PTBP2: variants seen among roughly 807,000 people sequenced by gnomAD.
The protein encoded by PTBP2 is polypyrimidine tract binding protein 2.
Under a neutral mutation model 61.4 loss-of-function variants are expected in PTBP2, and 13 were observed. The observed-to-expected ratio is 0.21, with a 90% confidence interval of 0.14 to 0.34. The LOEUF (loss-of-function observed/expected upper bound fraction) is 0.34, where lower values mean the gene tolerates loss of function less well. Among genes scored for constraint, PTBP2 ranks in the 10% least tolerant of loss-of-function variants. PTBP2 has a pLI of 1.00. For synonymous variants in PTBP2, 215 were observed against 218.5 expected (o/e 0.98, Z 0.14); for missense variants, 405 against 642.6 (o/e 0.63, Z 4.00).
chr1:96,763,485 G>A (rs889644687), intron 3 of PTBP2, among the ~76,000 whole-genome samples: 22 of 151,690 alleles, frequency 1.5e-4, no homozygotes, highest in African/African-American at 5.3e-4. Context: ...GGCTGAGGCA[G>A]GAGAATCAGG....
intron 2 of PTBP2, among the ~76,000 whole-genome samples, chr1:96,737,629 GTAA>G (rs1275860925): frequency 6.6e-6 from 1 of 152,168 alleles, no homozygotes; most frequent in South Asian, 2.1e-4. Flanking sequence ...ACAAAAACAA[GTAA>G]TGATGAGGAA....
chr1:96,817,709 C>T (rs1024222300), downstream of PTBP2: 8 of 151,946 alleles, frequency 5.3e-5, no homozygotes, highest in Non-Finnish European at 1.0e-4. Context: ...GATCTTAGTT[C>T]AAACCTTATT....
chr1:96,822,492 GC>G (rs1662713191), exon 14 of PTBP2: 4 of 152,214 alleles, frequency 2.6e-5, no homozygotes, highest in Admixed American at 2.0e-4. Flanking sequence ...GTTTCTAAAT[GC>G]AGTTATTGGT....
chr1:96,808,810 A>AAC lies in PTBP2; in HGVS notation c.1171+1867_1171+1868dup, dbSNP rs71748547. ...ATTTCCTTTAAAACACACACACACA[A>AAC]ACACACACACACACACGCATACACT... On this transcript the variant is annotated intron_variant, in intron 11 of 13. Transcript: ENST00000674951. Among the ~76,000 whole-genome samples the AAC allele has an allele frequency of 6.1e-4, 92 of 150,338 alleles. No homozygotes were observed. In the Middle Eastern group the frequency reaches 0.01, roughly 17 times the overall value.
chr1:96,787,836 G>A (rs1475613144), intron 8 of PTBP2, among the ~76,000 whole-genome samples: 1 of 152,078 alleles, frequency 6.6e-6, no homozygotes, highest in African/African-American at 2.4e-5. Flanking sequence ...TTTGAAAGTG[G>A]ACATGTAGGC....
chr1:96,739,867 G>T (rs1652768869), intron 2 of PTBP2, among the ~76,000 whole-genome samples: 1 of 151,618 alleles, frequency 6.6e-6, no homozygotes, highest in Non-Finnish European at 1.5e-5. Flanking sequence ...CTCGTGATCC[G>T]CCTGCCTCGG....
intron 3 of PTBP2, among the ~76,000 whole-genome samples, chr1:96,762,712 GC>G (rs1380663462): frequency 6.6e-6 from 1 of 150,922 alleles, no homozygotes; most frequent in Non-Finnish European, 1.5e-5. Context: ...GGCTGGCCTG[GC>G]GGGGGCTGAC....
chr1:96,779,892 C>T (rs1444855849), intron 7 of PTBP2, among the ~76,000 whole-genome samples: 1 of 150,772 alleles, frequency 6.6e-6, no homozygotes, highest in Middle Eastern at 3.2e-3. Flanking sequence ...ACAATTGGTA[C>T]CAGTTTAAAT....
chr1:96,743,520 C>T (rs995628890), intron 2 of PTBP2, among the ~76,000 whole-genome samples: 1 of 152,110 alleles, frequency 6.6e-6, no homozygotes, highest in Non-Finnish European at 1.5e-5. Flanking sequence ...CTAATGATTG[C>T]ATACTTTTAT....
intron 7 of PTBP2, among the ~76,000 whole-genome samples, chr1:96,778,167 CTTTTT>C (rs371248551): frequency 8.0e-6 from 1 of 125,292 alleles, no homozygotes; most frequent in Admixed American, 8.0e-5. Context: ...TATTATTTTA[CTTTTT>C]TTTTTTTTTT....
chr1:96,760,190 C>G (rs1655642706), intron 3 of PTBP2, among the ~76,000 whole-genome samples: 1 of 151,784 alleles, frequency 6.6e-6, no homozygotes, highest in African/African-American at 2.4e-5. Flanking sequence ...AAAACTCCTC[C>G]AATCAATAAA....
chr1:96,749,479 TGA>T (rs1182030319), intron 2 of PTBP2: 2 of 314,786 alleles, frequency 6.4e-6, no homozygotes, highest in African/African-American at 4.3e-5. Context: ...TTTGTTCAGG[TGA>T]GTAAAACTTT....
intron 2 of PTBP2, among the ~76,000 whole-genome samples, chr1:96,748,634 T>A (rs573428477): frequency 1.3e-5 from 2 of 152,318 alleles, no homozygotes; most frequent in East Asian, 3.9e-4. Context: ...AATCTAAAAT[T>A]GATATCATTC....
At chr1:96,806,196 TTGTCTTCATTCCC>T (rs1243230338) in intron 9 of PTBP2, among the ~76,000 whole-genome samples, 1 of 152,152 alleles carries the variant, frequency 6.6e-6, no homozygotes, top group Non-Finnish European at 1.5e-5. Flanking sequence ...TTCCTTGTCC[TTGTCTTCATTCCC>T]TGTCTCCATT....
rs1194769788 is a variant in PTBP2 at position 96,721,875 on chromosome 1, A to G, written c.8+3A>G. On this transcript the variant is annotated splice_donor_region_variant and intron_variant, in intron 1 of 13. Coordinates refer to ENST00000674951, the MANE Select transcript of PTBP2 (RefSeq NM_021190.4). The stretch of plus-strand genomic sequence containing the variant: ...TTGTCCGGTTCGGCAATGGACGGGT[A>G]TGTAATCGGGCCGGCGAGAAGGTGT... 2 of 1,575,518 alleles carry G rather than the reference A, an allele frequency of 1.3e-6. No homozygotes were observed. Among genetic ancestry groups the G allele is most frequent in the Non-Finnish European group, 1.7e-6 (2 of 1,160,582 alleles).
At chr1:96,782,069 T>C (rs1395517305) in intron 7 of PTBP2, among the ~76,000 whole-genome samples, 1 of 151,986 alleles carries the variant, frequency 6.6e-6, no homozygotes, top group Non-Finnish European at 1.5e-5. Context: ...GATTTAAAAA[T>C]TGTTTTTACA....
At chr1:96,805,371 C>T (rs1185776454) in intron 9 of PTBP2, among the ~76,000 whole-genome samples, 1 of 151,964 alleles carries the variant, frequency 6.6e-6, no homozygotes, top group Non-Finnish European at 1.5e-5. Flanking sequence ...ATGTGAACTA[C>T]TCTAATACAT....
intron 9 of PTBP2, among the ~76,000 whole-genome samples, chr1:96,805,255 A>G (rs1661390574): frequency 6.6e-6 from 1 of 152,076 alleles, no homozygotes; most frequent in African/African-American, 2.4e-5. Flanking sequence ...AATGTGATCT[A>G]ATTTGCAAAT....
At chr1:96,784,882 G>A (rs1348253210) in intron 7 of PTBP2, 177 bp from the exon 8 acceptor site, 11 of 502,732 alleles carry the variant, frequency 2.2e-5, no homozygotes, top group Non-Finnish European at 3.4e-5. Flanking sequence ...ATAATATTTG[G>A]GGGAAAGTAA....
Sources: gnomAD v4.1 joint callset for allele counts (sites outside exome capture counted in the v4.1 genomes callset) on GRCh38, gnomAD v4.1.1 for gene constraint, MANE v1.5 for transcripts, NCBI Gene and HGNC (gene_info 2026-07-23, HGNC 2026-07-21) for gene names.